The following SEC13 variants were observed in gnomAD, a reference collection of about 807,000 sequenced individuals.
The protein encoded by SEC13 is protein SEC13 homolog.
Under a neutral mutation model 49.2 loss-of-function variants are expected in SEC13, and 25 were observed. The observed-to-expected ratio is 0.51, with a 90% CI of 0.37 to 0.71. SEC13 has a LOEUF of 0.71. SEC13 is among the 30% of genes least tolerant of loss of function. The pLI is 0.00. For synonymous variants in SEC13, 148 were observed against 163.9 expected (o/e 0.90, Z 0.74); for missense variants, 383 against 417.6 (o/e 0.92, Z 0.72).
At position 10,312,980 on chromosome 3, in the gene SEC13, G is replaced by C. The variant is rs1701377062; in HGVS notation, c.165-250C>G. Reference sequence around the variant, plus strand: ...GTTGAGCCTCTGGGTCAGCCTTCCTGTCCTGGCCAGGCAGGAGCCTCACTT... The same window carrying C: ...GTTGAGCCTCTGGGTCAGCCTTCCTCTCCTGGCCAGGCAGGAGCCTCACTT... On this transcript the variant is annotated intron_variant, in intron 3 of 8. Coordinates refer to ENST00000350697, the MANE Select transcript of SEC13 (RefSeq NM_183352.3). 7 of 445,490 alleles carry C rather than the reference G, an allele frequency of 1.6e-5. No homozygotes were observed. The South Asian group carries it at 1.9e-4, about 12-fold the overall frequency. 27.6% of individuals were successfully genotyped at this position (445,490 alleles called of 1,614,324 possible).
At chr3:10,318,764 C>CT (rs1360257151) in intron 1 of SEC13, among the ~76,000 whole-genome samples, 1 of 152,224 alleles carries the variant, frequency 6.6e-6, no homozygotes, top group African/African-American at 2.4e-5. Flanking sequence ...CATCTCCCTC[C>CT]TATCTATTCT....
Position 10,301,324 on chromosome 3 carries a change from A to G in SEC13, c.906T>C (p.Asp302=). Residue 302 remains aspartate (D), a synonymous_variant, in exon 9 of 9, where the codon GAT becomes GAC. Transcript: ENST00000350697. ...SVDGQWVCIS[D]VNKGQGSVSA... ...ATACGGAGCCCTGGCCCTTGTTGAC[A>G]TCACTGATGCACACCCACTGCCCAT... 6.2e-7 allele frequency: 1 copy of G among 1,614,144 alleles called. No individual in the cohort carries two copies. Among genetic ancestry groups the G allele is most frequent in the Non-Finnish European group, 8.5e-7 (1 of 1,180,032 alleles).
At chr3:10,311,903 C>A in intron 5 of SEC13, 62 bp downstream of exon 5, 1 of 1,613,884 alleles carries the variant, frequency 6.2e-7, no homozygotes, top group Non-Finnish European at 8.5e-7. Context: ...TCTAGGGAGG[C>A]TGCAGCAGAC....
Position 10,315,315 on chromosome 3 carries a change from A to T in SEC13, c.164+6T>A. ...GGAGCCCTTCCCTGGGCTCGCCAGC[A>T]CTTACCCCCTGAGGTCGGCGATAAG... is the stretch of plus-strand genomic sequence containing the variant. On this transcript the variant is annotated splice_donor_region_variant and intron_variant, in intron 3 of 8. Coordinates refer to ENST00000350697, the MANE Select transcript of SEC13 (RefSeq NM_183352.3). The T allele has an allele frequency of 1.2e-6, 2 of 1,606,656 alleles. No homozygotes were observed. Among genetic ancestry groups the T allele is most frequent in the Non-Finnish European group, 1.7e-6 (2 of 1,173,430 alleles).
intron 8 of SEC13, 139 bp from the exon 9 acceptor site, chr3:10,301,513 A>C: frequency 2.8e-6 from 3 of 1,090,426 alleles, no homozygotes; most frequent in South Asian, 1.5e-5. Flanking sequence ...CTCCACTGAA[A>C]TCTCACCAAA....
intron 8 of SEC13, among the ~76,000 whole-genome samples, chr3:10,303,271 G>A (rs1261374215): frequency 6.6e-6 from 1 of 152,174 alleles, no homozygotes; most frequent in Non-Finnish European, 1.5e-5. Flanking sequence ...TTCAGGCGCA[G>A]AGCAGATGTG....
intron 8 of SEC13, 118 bp from the exon 9 acceptor site, chr3:10,301,492 G>GCGGA (rs1447774922): frequency 1.4e-5 from 18 of 1,297,700 alleles, no homozygotes; most frequent in Non-Finnish European, 1.8e-5. Flanking sequence ...GGTGAACAGA[G>GCGGA]CATGTCCCTC....
At chr3:10,302,231 C>T (rs1273306848) in intron 8 of SEC13, among the ~76,000 whole-genome samples, 2 of 152,066 alleles carry the variant, frequency 1.3e-5, no homozygotes, top group Admixed American at 6.5e-5. Flanking sequence ...GAGCGAGACT[C>T]GATCTCAAAA....
At chr3:10,319,793 AGAAGGCG>A (rs2125291641) in intron 1 of SEC13, among the ~76,000 whole-genome samples, 1 of 3,720 alleles carries the variant, frequency 2.7e-4, no homozygotes, top group African/African-American at 1.4e-3. Context: ...AGAGAGAGAG[AGAAGGCG>A]GGGGGGGGGG....
Position 10,305,061 on chromosome 3 carries a change from G to C in SEC13, c.680C>G (p.Pro227Arg). The C allele has an allele frequency of 6.2e-7, 1 of 1,614,126 alleles. No homozygotes were observed. Residue 227 changes from proline to arginine, a missense_variant, in exon 7 of 9, where the codon CCC becomes CGC. Pro to Arg is a moderately radical substitution (Grantham distance 103). Transcript: ENST00000350697. Reference sequence around the variant, plus strand: ...GGAGCAGCTGGCGATGGTGCTGGTGGGCAGGCCGATGGAGGGGGCCCAGGC... The same window carrying C: ...GGAGCAGCTGGCGATGGTGCTGGTGCGCAGGCCGATGGAGGGGGCCCAGGC... ...DVAWAPSIGL[P>R]TSTIASCSQD...
chr3:10,304,275 CAG>C, intron 7 of SEC13, 103 bp from the exon 8 acceptor site: 1 of 1,225,544 alleles, frequency 8.2e-7, no homozygotes, highest in Non-Finnish European at 1.2e-6. Context: ...TCTGCAGGAA[CAG>C]GGTGGGGGAT....
chr3:10,303,819 T>C, intron 8 of SEC13: 2 of 603,446 alleles, frequency 3.3e-6, no homozygotes, highest in South Asian at 1.9e-5. Context: ...TGTCAGCTTC[T>C]TTCCTCATCT....
At chr3:10,304,593 A>C (rs1473571809) in intron 7 of SEC13, among the ~76,000 whole-genome samples, 2 of 152,186 alleles carry the variant, frequency 1.3e-5, no homozygotes, top group Non-Finnish European at 2.9e-5. Flanking sequence ...CCATGATGTG[A>C]AAGGCCTAGC....
chr3:10,320,764 T>C (rs1349972447), intron 1 of SEC13: 2 of 1,316,020 alleles, frequency 1.5e-6, no homozygotes, highest in African/African-American at 1.5e-5. Flanking sequence ...GCTCCTCTGC[T>C]GTTCCTCGTT....
At chr3:10,305,192 C>A (rs1700793743) in intron 6 of SEC13, 36 bp from the exon 7 acceptor site, 1 of 1,578,076 alleles carries the variant, frequency 6.3e-7, no homozygotes, top group African/African-American at 1.3e-5. Context: ...CAGCAGGGGG[C>A]CGTTCCCACA....
intron 2 of SEC13, 139 bp downstream of exon 2, chr3:10,317,911 G>C: frequency 1.7e-6 from 1 of 605,776 alleles, no homozygotes; most frequent in Non-Finnish European, 3.0e-6. Flanking sequence ...GAGATTACAG[G>C]CTGATAGGCA....
intron 1 of SEC13, chr3:10,319,290 A>G: frequency 3.1e-6 from 5 of 1,597,506 alleles, no homozygotes; most frequent in Non-Finnish European, 1.7e-6. Context: ...CAGATTCTAG[A>G]CTCTCTAAAA....
chr3:10,315,122 AC>A, intron 3 of SEC13, 198 bp downstream of exon 3: 1 of 541,416 alleles, frequency 1.8e-6, no homozygotes. Context: ...ACCTGTATCC[AC>A]CTGTGCCCTT....
In SEC13 at chr3:10,305,690, A is replaced by C; in HGVS notation, c.453T>G (p.Ile151Met). 6.2e-7 allele frequency: 1 copy of C among 1,614,220 alleles called. No homozygotes were observed. Among genetic ancestry groups the C allele is most frequent in the South Asian group, 1.1e-5 (1 of 91,086 alleles). ...EVKKINNAHT[I>M]GCNAVSWAPA... ...GGGCCCAGCTGACGGCATTGCAGCCAATCTGTAAAGATGGGACACATGGTG... is the reference window on the plus strand; with the variant it reads ...GGGCCCAGCTGACGGCATTGCAGCCCATCTGTAAAGATGGGACACATGGTG... The change falls in exon 6 of 9, where the codon ATT (isoleucine) becomes ATG (methionine). Residue 151 changes from isoleucine (I) to methionine (M), a missense_variant and splice_region_variant. Coordinates refer to ENST00000350697, the MANE Select transcript of SEC13 (RefSeq NM_183352.3).
Sources: allele counts gnomAD v4.1 joint callset (sites outside exome capture counted in the v4.1 genomes callset), GRCh38; gene constraint gnomAD v4.1.1; transcripts MANE v1.5; gene names NCBI Gene and HGNC (gene_info 2026-07-23, HGNC 2026-07-21).